Variants in ATXN7L1 observed in about 807,000 individuals in gnomAD.
The protein encoded by ATXN7L1 is ataxin-7-like protein 1.
ATXN7L1 carries 15 observed loss-of-function variants against 70.8 expected under a neutral mutation model. The observed-to-expected ratio is 0.21, with a 90% CI of 0.14 to 0.33. The LOEUF is 0.33. ATXN7L1 is among the 10% of genes least tolerant of loss of function. ATXN7L1 has a pLI of 1.00. For missense variants in ATXN7L1, 975 were observed against 1,097.1 expected (o/e 0.89, Z 1.57); for synonymous variants, 440 against 445.1 (o/e 0.99, Z 0.14).
At chr7:105,772,651 A>G (rs1468696724) in intron 3 of ATXN7L1, among the ~76,000 whole-genome samples, 2 of 152,226 alleles carry the variant, frequency 1.3e-5, no homozygotes, top group African/African-American at 4.8e-5. Flanking sequence ...AAAAGGTGTC[A>G]GAGTTACAGG....
rs943231485 is a variant in ATXN7L1, at chr7:105,620,063, A to G, written c.1517+137T>C. 6 of 1,105,468 alleles carry G rather than the reference A, an allele frequency of 5.4e-6. No individual in the cohort carries two copies. The African/African-American group carries it at 9.5e-5, about 18-fold the overall frequency. The allele number at this position is 1,105,468 out of a possible 1,614,324, so 68.5% of individuals were successfully genotyped here. A position where few individuals can be genotyped will look rare whatever the true frequency, so the allele number is the denominator to read the frequency against. ...AACCATTAAGAAGAGCTGGTATTTA[A>G]GAATTAATCAAGCATCCTGACTTCA... On this transcript the variant is annotated intron_variant, in intron 9 of 11. Transcript: ENST00000419735.
intron 3 of ATXN7L1, among the ~76,000 whole-genome samples, chr7:105,667,515 T>C (rs1173679121): frequency 9.8e-6 from 1 of 102,470 alleles, no homozygotes; most frequent in South Asian, 5.1e-4. Flanking sequence ...CCGGCTAAAA[T>C]GGTGAAACCC....
chr7:105,761,131 GCAGCTTAGAC>G, intron 3 of ATXN7L1: 1 of 1,178,544 alleles, frequency 8.5e-7, no homozygotes, highest in Non-Finnish European at 1.0e-6. Context: ...GGAATTGATG[GCAGCTTAGAC>G]CAGCTTTGTG....
At chr7:105,761,731 G>C (rs1800583295) in intron 3 of ATXN7L1, among the ~76,000 whole-genome samples, 1 of 152,130 alleles carries the variant, frequency 6.6e-6, no homozygotes, top group Non-Finnish European at 1.5e-5. Flanking sequence ...GGGCAGGAGT[G>C]CAAGACCTGA....
chr7:105,776,701 G>T (rs1372359366), intron 3 of ATXN7L1, among the ~76,000 whole-genome samples: 1 of 152,116 alleles, frequency 6.6e-6, no homozygotes, highest in Admixed American at 6.5e-5. Flanking sequence ...TGAAGCAGAA[G>T]GTGCCAACAG....
intron 4 of ATXN7L1, among the ~76,000 whole-genome samples, chr7:105,656,861 C>T (rs916464407): frequency 2.0e-5 from 3 of 152,212 alleles, no homozygotes; most frequent in African/African-American, 7.2e-5. Context: ...AGCCACCACG[C>T]CGGCCTCCCC....
intron 3 of ATXN7L1, among the ~76,000 whole-genome samples, chr7:105,700,468 CCA>C (rs141761315): frequency 0.3 from 41,973 of 141,814 alleles, 6,117 homozygotes; most frequent in East Asian, 0.39. Flanking sequence ...GATTGCACCA[CCA>C]TGCACTCCAG....
intron 3 of ATXN7L1, among the ~76,000 whole-genome samples, chr7:105,756,605 T>TA (rs1027473279): frequency 2.0e-5 from 3 of 152,188 alleles, no homozygotes; most frequent in African/African-American, 4.8e-5. Flanking sequence ...TCTAAACCAC[T>TA]AACCAAGCTC....
chr7:105,861,433 G>A (rs1816620293), intron 2 of ATXN7L1, among the ~76,000 whole-genome samples: 1 of 151,554 alleles, frequency 6.6e-6, no homozygotes, highest in Non-Finnish European at 1.5e-5. Flanking sequence ...AGTGGAGAGA[G>A]ATGGAGAGGT....
At chr7:105,676,089 G>A (rs763567707) in intron 3 of ATXN7L1, among the ~76,000 whole-genome samples, 1 of 152,108 alleles carries the variant, frequency 6.6e-6, no homozygotes, top group Non-Finnish European at 1.5e-5. Flanking sequence ...GGAGGAGAAC[G>A]GACGCGGCCC....
intron 3 of ATXN7L1, chr7:105,760,365 A>G: frequency 1.1e-6 from 1 of 934,908 alleles, no homozygotes; most frequent in African/African-American, 1.8e-5. Flanking sequence ...ATATATGAGG[A>G]AACAGGCTCT....
At chr7:105,738,416 C>T (rs931448164) in intron 3 of ATXN7L1, among the ~76,000 whole-genome samples, 1 of 152,194 alleles carries the variant, frequency 6.6e-6, no homozygotes, top group African/African-American at 2.4e-5. Context: ...AGGTCTAGCA[C>T]AAATGTCATG....
chr7:105,688,005 A>G (rs1489155586), intron 3 of ATXN7L1, among the ~76,000 whole-genome samples: 1 of 152,218 alleles, frequency 6.6e-6, no homozygotes, highest in Non-Finnish European at 1.5e-5. Flanking sequence ...AATTCCAGGA[A>G]CTGGACTGAA....
At chr7:105,685,489 G>C (rs1460648241) in intron 3 of ATXN7L1, among the ~76,000 whole-genome samples, 1 of 152,204 alleles carries the variant, frequency 6.6e-6, no homozygotes, top group East Asian at 1.9e-4. Flanking sequence ...TTGATAATGA[G>C]ATTCCTGATC....
At position 105,614,374 on chromosome 7, in the gene ATXN7L1, A is replaced by G; in HGVS notation, c.1960T>C (p.Ser654Pro). The G allele has an allele frequency of 5.8e-6, 9 of 1,552,296 alleles. No homozygotes were observed. Among genetic ancestry groups the G allele is most frequent in the Non-Finnish European group, 7.0e-6 (8 of 1,147,044 alleles). Reference protein sequence around the residue: ...KRKPQSSTSSSSSSSSSSLQT... With the variant: ...KRKPQSSTSSPSSSSSSSLQT... ...AAGGAAGAGGAGGAGGAGGAGGAGG[A>G]GGAGGAAGTCGAAGACTGTGGCTTC... The change falls in exon 10 of 12, where the codon TCC becomes CCC. Residue 654 changes from serine (S) to proline (P), a missense_variant. Physicochemically the swap from Ser to Pro is moderately conservative, Grantham distance 74 (BLOSUM62 -1). Around this residue, in one of 5 missense-constraint regions of ATXN7L1, gnomAD observed 635 missense variants for 699.4 expected, o/e 0.91. Transcript: ENST00000419735. The surrounding 1 kb of genome is among the most constrained non-coding windows in gnomAD (Gnocchi z 4.3).
At chr7:105,769,753 T>G (rs576753967) in intron 3 of ATXN7L1, among the ~76,000 whole-genome samples, 32 of 152,182 alleles carry the variant, frequency 2.1e-4, no homozygotes, top group Non-Finnish European at 4.1e-4. Flanking sequence ...TCCTGAAGAG[T>G]AGATCCCTAG....
intron 11 of ATXN7L1, among the ~76,000 whole-genome samples, chr7:105,609,810 CA>C (rs1391515031): frequency 6.6e-6 from 1 of 150,574 alleles, no homozygotes; most frequent in Non-Finnish European, 1.5e-5. Context: ...CTCACTCTGT[CA>C]CCCAGGCTGG....
chr7:105,682,801 A>T (rs1805704916), intron 3 of ATXN7L1, among the ~76,000 whole-genome samples: 1 of 152,216 alleles, frequency 6.6e-6, no homozygotes, highest in African/African-American at 2.4e-5. Flanking sequence ...GAGGGGGAAT[A>T]ACTGCTTAAT....
chr7:105,830,362 C>T (rs1585103989), intron 2 of ATXN7L1, among the ~76,000 whole-genome samples: 1 of 152,248 alleles, frequency 6.6e-6, no homozygotes, highest in Admixed American at 6.5e-5. Context: ...ACAAAGACAA[C>T]GGTTTTGAAA....
Sources: allele counts gnomAD v4.1 joint callset (sites outside exome capture counted in the v4.1 genomes callset), GRCh38; gene constraint gnomAD v4.1.1; regional missense constraint gnomAD v4.1.1; non-coding constraint Gnocchi (gnomAD v3.1); transcripts MANE v1.5; gene names NCBI Gene and HGNC (gene_info 2026-07-23, HGNC 2026-07-21).